ACSS3: variants seen among roughly 807,000 people sequenced by gnomAD.
ACSS3 encodes the protein acyl-CoA synthetase short-chain family member 3, mitochondrial.
ACSS3 carries 64 observed loss-of-function variants against 84.2 expected under a neutral mutation model. The ratio of observed to expected loss-of-function variants is 0.76; its 90% CI spans 0.62 to 0.94. The LOEUF (loss-of-function observed/expected upper bound fraction) is 0.94. Among genes scored for constraint, ACSS3 ranks in the 40% least tolerant of loss-of-function variants. ACSS3 has a pLI of 0.00. For synonymous variants in ACSS3, 317 were observed against 310.1 expected (o/e 1.02, Z -0.23); for missense variants, 815 against 867.6 (o/e 0.94, Z 0.76).
chr12:81,084,874 T>C (rs975041494), intron 1 of ACSS3, among the ~76,000 whole-genome samples: 3 of 152,162 alleles, frequency 2.0e-5, no homozygotes, highest in African/African-American at 7.2e-5. Context: ...ATGATATCAA[T>C]GGTGAGATAA....
At chr12:81,141,803 C>T (rs964879838) in intron 4 of ACSS3, among the ~76,000 whole-genome samples, 6 of 152,192 alleles carry the variant, frequency 3.9e-5, no homozygotes, top group Admixed American at 2.0e-4. Context: ...GAAATGGAAA[C>T]GTATGATTTG....
rs1158712549 is a variant in ACSS3 at position 81,146,536 on chromosome 12, G to A, written c.921+3289G>A. ...ATATAAAACACACATAAGGCAGTCT[G>A]TTCTTTGGTTAGAATTTGTAGATAC... On this transcript the variant is annotated intron_variant, in intron 5 of 15. Coordinates refer to ENST00000548058, the MANE Select transcript of ACSS3 (RefSeq NM_024560.4). Among the ~76,000 whole-genome samples the A allele has an allele frequency of 2.6e-5, 4 of 152,270 alleles. No homozygotes were observed. In the East Asian group the frequency reaches 7.7e-4, roughly 29 times the overall value.
At chr12:81,104,343 A>G (rs1882787847) in intron 1 of ACSS3, among the ~76,000 whole-genome samples, 1 of 152,186 alleles carries the variant, frequency 6.6e-6, no homozygotes. Context: ...CAGCATGGCA[A>G]GACAGAAAAC....
At chr12:81,159,380 G>T (rs1210135728) in intron 7 of ACSS3, among the ~76,000 whole-genome samples, 1 of 151,586 alleles carries the variant, frequency 6.6e-6, no homozygotes, top group East Asian at 1.9e-4. Flanking sequence ...AATAATAAAG[G>T]AATAAGTCAG....
chr12:81,230,573 G>A (rs1029546737), intron 11 of ACSS3, among the ~76,000 whole-genome samples: 8 of 151,754 alleles, frequency 5.3e-5, no homozygotes, highest in Admixed American at 1.3e-4. Flanking sequence ...AATTCCCAGC[G>A]GAGGGAGGCA....
chr12:81,202,597 C>T (rs2032160091), intron 9 of ACSS3, among the ~76,000 whole-genome samples: 1 of 152,012 alleles, frequency 6.6e-6, no homozygotes, highest in East Asian at 1.9e-4. Context: ...CTACAGGGTC[C>T]CTTTTTCTTG....
At chr12:81,215,906 T>C (rs75413145) in intron 9 of ACSS3, among the ~76,000 whole-genome samples, 3,192 of 152,238 alleles carry the variant, frequency 0.021, 66 homozygotes, top group South Asian at 0.068. Context: ...TTTAGCATTT[T>C]TGTCAATCAT....
At chr12:81,172,504 C>A (rs1254141262) in intron 7 of ACSS3, among the ~76,000 whole-genome samples, 1 of 150,998 alleles carries the variant, frequency 6.6e-6, no homozygotes, top group Non-Finnish European at 1.5e-5. Context: ...GTCTTTCTGG[C>A]GTGCACCTGT....
chr12:81,147,829 T>C (rs1484324851), intron 5 of ACSS3, among the ~76,000 whole-genome samples: 1 of 151,980 alleles, frequency 6.6e-6, no homozygotes, highest in Non-Finnish European at 1.5e-5. Context: ...ATAAAATTTA[T>C]TTTCCCCCTT....
chr12:81,119,966 T>A (rs931992519), intron 2 of ACSS3, among the ~76,000 whole-genome samples: 1 of 152,176 alleles, frequency 6.6e-6, no homozygotes, highest in Non-Finnish European at 1.5e-5. Flanking sequence ...CTTCACAATT[T>A]TTGTTCCTCT....
intron 4 of ACSS3, among the ~76,000 whole-genome samples, chr12:81,142,595 C>T (rs1348693188): frequency 1.3e-5 from 2 of 152,080 alleles, no homozygotes; most frequent in Non-Finnish European, 2.9e-5. Context: ...CTTCCCTACT[C>T]CTGAAGAAGA....
In ACSS3 at chr12:81,257,633, T is replaced by C. The variant is rs554310639; in HGVS notation, c.*2711T>C. The C allele has an allele frequency of 6.6e-6, 1 of 152,220 alleles. No individual in the cohort carries two copies. The highest frequency in any genetic ancestry group is 2.4e-5 in the African/African-American group (1 of 41,572). The allele number at this position is 152,220 out of a possible 1,614,324, so 9.4% of individuals were successfully genotyped here. A position where few individuals can be genotyped will look rare whatever the true frequency, so the allele number is the denominator to read the frequency against. ...TTTGCTTGTGAAAATATATTAAACA[T>C]ATTTAAATGAGACCTATCCTACATT... On this transcript the variant is annotated 3_prime_UTR_variant, in exon 16 of 16. Transcript: ENST00000548058.
Position 81,254,913 on chromosome 12 carries a change from G to T in ACSS3, c.2052G>T (p.Lys684Asn). 6.2e-7 allele frequency: 1 copy of T among 1,604,714 alleles called. No individual in the cohort carries two copies. The highest frequency in any genetic ancestry group is 8.5e-7 in the Non-Finnish European group (1 of 1,175,490). ...SIFGHVEEML[K>N]QA is the part of the protein sequence containing the mutation. ...TTGGCCACGTAGAAGAAATGCTGAA[G>T]CAAGCATAATGAGTTTGTCTTATTC... Residue 684 changes from lysine to asparagine, a missense_variant, in exon 16 of 16, where the codon AAG (lysine) becomes AAT (asparagine). Physicochemically the swap from Lys to Asn is moderately conservative, Grantham distance 94. Coordinates refer to ENST00000548058, the MANE Select transcript of ACSS3 (RefSeq NM_024560.4).
At chr12:81,139,913 G>A (rs1052295326) in intron 4 of ACSS3, among the ~76,000 whole-genome samples, 1 of 152,022 alleles carries the variant, frequency 6.6e-6, no homozygotes, top group Non-Finnish European at 1.5e-5. Context: ...GGGATTACAG[G>A]TGTGAGCCAC....
At chr12:81,228,950 A>G (rs796797521) in intron 11 of ACSS3, among the ~76,000 whole-genome samples, 30 of 151,914 alleles carry the variant, frequency 2.0e-4, no homozygotes, top group African/African-American at 7.2e-4. Flanking sequence ...GCAATATTAC[A>G]TGTTCAGATA....
At position 81,255,330 on chromosome 12, in the gene ACSS3, T is replaced by G. The variant is rs1367923465; in HGVS notation, c.*408T>G. ...AGTCAGAAAATAATTAAAATTTTTC[T>G]TGTAGAAATTTTAGATATTTTCTAG... On this transcript the variant is annotated 3_prime_UTR_variant, in exon 16 of 16. Coordinates refer to ENST00000548058, the MANE Select transcript of ACSS3 (RefSeq NM_024560.4). 6.5e-6 allele frequency: 1 copy of G among 153,382 alleles called. No homozygotes were observed. 9.5% of individuals were successfully genotyped at this position (153,382 alleles called of 1,614,324 possible).
At chr12:81,187,921 C>A (rs1231640581) in intron 8 of ACSS3, among the ~76,000 whole-genome samples, 1 of 151,690 alleles carries the variant, frequency 6.6e-6, no homozygotes, top group African/African-American at 2.4e-5. Context: ...TATGAATGTG[C>A]CCAAATCTGG....
intron 7 of ACSS3, among the ~76,000 whole-genome samples, chr12:81,169,024 A>C (rs1887532876): frequency 6.6e-6 from 1 of 152,190 alleles, no homozygotes; most frequent in Non-Finnish European, 1.5e-5. Flanking sequence ...AGCCCAAATC[A>C]AGGCCAATTG....
At chr12:81,202,322 A>G (rs2032148741) in intron 9 of ACSS3, among the ~76,000 whole-genome samples, 1 of 151,914 alleles carries the variant, frequency 6.6e-6, no homozygotes, top group Admixed American at 6.6e-5. Flanking sequence ...AAATAAAATA[A>G]AATTTCAACC....
Sources: allele counts gnomAD v4.1 joint callset (sites outside exome capture counted in the v4.1 genomes callset), GRCh38; gene constraint gnomAD v4.1.1; transcripts MANE v1.5; gene names NCBI Gene and HGNC (gene_info 2026-07-23, HGNC 2026-07-21).